The following PDE4D variants were observed in gnomAD, a reference collection of about 807,000 sequenced individuals.
PDE4D encodes phosphodiesterase 4D.
A neutral mutation model predicts 87.4 loss-of-function variants in PDE4D; 24 were observed. That is an observed-to-expected ratio of 0.27 (90% CI 0.20 to 0.39). PDE4D has a LOEUF of 0.39. Ranked by LOEUF, PDE4D falls within the 10% of genes least tolerant of loss-of-function variation. The pLI is 1.00. For synonymous variants in PDE4D, 384 were observed against 383.2 expected (o/e 1.00, Z -0.02); for missense variants, 714 against 1,041.0 (o/e 0.69, Z 4.32).
chr5:59,732,394 T>TCA (rs71604799), intron 1 of PDE4D, among the ~76,000 whole-genome samples: 6,956 of 146,116 alleles, frequency 0.048, 231 homozygotes, highest in African/African-American at 0.11. Flanking sequence ...CAGGAGACAT[T>TCA]CACACACACA....
At chr5:59,887,363 A>T (rs1013562180) in intron 1 of PDE4D, among the ~76,000 whole-genome samples, 2 of 152,182 alleles carry the variant, frequency 1.3e-5, no homozygotes, top group Admixed American at 6.5e-5. Context: ...CAGTTTTCTT[A>T]TTTTTAAACG....
At chr5:59,801,801 A>G (rs78585226) in intron 1 of PDE4D, among the ~76,000 whole-genome samples, 6,347 of 152,278 alleles carry the variant, frequency 0.042, 441 homozygotes, top group African/African-American at 0.15. Flanking sequence ...AACAACAAAC[A>G]CTTACCCACC....
chr5:60,328,043 T>C (rs540320432), intron 1 of PDE4D, among the ~76,000 whole-genome samples: 9 of 152,322 alleles, frequency 5.9e-5, no homozygotes, highest in Admixed American at 2.0e-4. Context: ...TGACCTCAGA[T>C]AATTGTCACC....
At chr5:59,689,858 G>A (rs1580437568) in intron 1 of PDE4D, among the ~76,000 whole-genome samples, 1 of 152,222 alleles carries the variant, frequency 6.6e-6, no homozygotes, top group Admixed American at 6.5e-5. Context: ...AATCTGATAA[G>A]CAACTTCAGC....
intron 11 of PDE4D, among the ~76,000 whole-genome samples, chr5:58,979,396 G>A (rs1326372342): frequency 6.6e-6 from 1 of 152,158 alleles, no homozygotes; most frequent in Non-Finnish European, 1.5e-5. Flanking sequence ...GGTGGTGACT[G>A]TTGATTTTTA....
intron 2 of PDE4D, among the ~76,000 whole-genome samples, chr5:60,104,722 C>A (rs928556881): frequency 5.3e-5 from 8 of 152,214 alleles, no homozygotes; most frequent in Non-Finnish European, 1.0e-4. Context: ...CGCTGTTCTG[C>A]AGACACCGCT....
intron 3 of PDE4D, among the ~76,000 whole-genome samples, chr5:59,186,311 T>C (rs1742901012): frequency 6.6e-6 from 1 of 152,190 alleles, no homozygotes; most frequent in African/African-American, 2.4e-5. Context: ...GGGATAGTGA[T>C]ACCTACCTCG....
chr5:60,139,899 T>C (rs1780381743), intron 2 of PDE4D, among the ~76,000 whole-genome samples: 1 of 152,060 alleles, frequency 6.6e-6, no homozygotes, highest in Non-Finnish European at 1.5e-5. Flanking sequence ...CAAAGCTTCA[T>C]ATAAATATTA....
At chr5:59,393,401 G>A (rs181847002) in intron 1 of PDE4D, among the ~76,000 whole-genome samples, 1 of 152,230 alleles carries the variant, frequency 6.6e-6, no homozygotes, top group African/African-American at 2.4e-5. Context: ...CCCAATTATT[G>A]GTCAAGTGGT....
intron 1 of PDE4D, among the ~76,000 whole-genome samples, chr5:59,751,049 C>A (rs1760380949): frequency 6.6e-6 from 1 of 151,526 alleles, no homozygotes; most frequent in African/African-American, 2.4e-5. Context: ...AGGAAACACT[C>A]AAACTATTTT....
intron 6 of PDE4D, among the ~76,000 whole-genome samples, chr5:59,028,885 G>A (rs1000269498): frequency 1.6e-4 from 24 of 152,026 alleles, no homozygotes; most frequent in African/African-American, 5.8e-4. Context: ...GCTTTAAGGT[G>A]GTGCAAGATG....
At chr5:59,381,324 A>G (rs1785797675) in intron 1 of PDE4D, among the ~76,000 whole-genome samples, 1 of 152,178 alleles carries the variant, frequency 6.6e-6, no homozygotes, top group Non-Finnish European at 1.5e-5. Context: ...GAATATAATG[A>G]GATCAAATCG....
chr5:60,300,674 T>A (rs1689389580), intron 1 of PDE4D, among the ~76,000 whole-genome samples: 1 of 152,206 alleles, frequency 6.6e-6, no homozygotes, highest in South Asian at 2.1e-4. Flanking sequence ...CCCCATTGCT[T>A]GTTTCTGTTA....
chr5:59,453,861 T>G (rs1259812129), intron 1 of PDE4D, among the ~76,000 whole-genome samples: 1 of 152,222 alleles, frequency 6.6e-6, no homozygotes, highest in Non-Finnish European at 1.5e-5. Flanking sequence ...CAAAACAAAC[T>G]TTTATTGGAA....
intron 1 of PDE4D, among the ~76,000 whole-genome samples, chr5:59,403,432 A>G (rs1162354231): frequency 6.6e-6 from 1 of 152,272 alleles, no homozygotes; most frequent in African/African-American, 2.4e-5. Flanking sequence ...CCCATTAAAC[A>G]TCCCCACTTC....
chr5:59,203,063 G>C (rs1301749428), intron 2 of PDE4D, among the ~76,000 whole-genome samples: 1 of 152,246 alleles, frequency 6.6e-6, no homozygotes, highest in East Asian at 1.9e-4. Context: ...CAAAACAATG[G>C]CCTGACACAG....
At chr5:59,004,693 G>A (rs1440259453) in intron 6 of PDE4D, among the ~76,000 whole-genome samples, 1 of 152,242 alleles carries the variant, frequency 6.6e-6, no homozygotes, top group African/African-American at 2.4e-5. Flanking sequence ...AATTATAAAT[G>A]CATTTTGTTT....
At position 59,611,688 on chromosome 5, in the gene PDE4D, G is replaced by T. The variant is rs568182292; in HGVS notation, c.455+281480C>A. Among the ~76,000 whole-genome samples, 3 of 152,202 alleles carry T rather than the reference G, an allele frequency of 2.0e-5. No homozygotes were observed. In the South Asian group the frequency reaches 6.2e-4, roughly 32 times the overall value. On this transcript the variant is annotated intron_variant, in intron 1 of 14. Coordinates refer to ENST00000340635, the MANE Select transcript of PDE4D (RefSeq NM_001104631.2). ...ATTGATCAAATCAGGATAGACACAA[G>T]AACAAATTTAAGATTACTTAGCTTA...
At chr5:59,606,861 T>G (rs295958) in intron 1 of PDE4D, among the ~76,000 whole-genome samples, 131,014 of 151,862 alleles carry the variant, frequency 0.86, 56,575 homozygotes, top group South Asian at 0.93. Flanking sequence ...GTCTTACAAT[T>G]AATTCATAAT....
Sources: gnomAD v4.1 joint callset for allele counts (sites outside exome capture counted in the v4.1 genomes callset) on GRCh38, gnomAD v4.1.1 for gene constraint, MANE v1.5 for transcripts, NCBI Gene and HGNC (gene_info 2026-07-23, HGNC 2026-07-21) for gene names.